Variants in HERC1 observed in about 807,000 individuals in gnomAD.
The protein encoded by HERC1 is probable E3 ubiquitin-protein ligase HERC1.
A neutral mutation model predicts 554.3 loss-of-function variants in HERC1; 160 were observed. The ratio of observed to expected loss-of-function variants is 0.29; its 90% CI spans 0.25 to 0.33. The LOEUF (loss-of-function observed/expected upper bound fraction) is 0.33. Among genes scored for constraint, HERC1 ranks in the 10% least tolerant of loss-of-function variants. HERC1 has a pLI of 1.00. For synonymous variants in HERC1, 2,175 were observed against 2,131.7 expected (o/e 1.02, Z -0.56); for missense variants, 4,919 against 5,918.5 (o/e 0.83, Z 5.54).
At position 63,625,878 on chromosome 15, in the gene HERC1, G is replaced by C. The variant is rs1296858165; in HGVS notation, c.13275+107C>G. 15 of 1,154,898 alleles carry C rather than the reference G, an allele frequency of 1.3e-5. No individual in the cohort carries two copies. The East Asian group carries it at 3.8e-4, about 30-fold the overall frequency. 71.5% of individuals were successfully genotyped at this position (1,154,898 alleles called of 1,614,324 possible). A position where few individuals can be genotyped will look rare whatever the true frequency, so the allele number is the denominator to read the frequency against. ...AAGTGTTATCTTATTAGCCATGAAA[G>C]AATTTTCCAAAGGCAGAGGGAAAGG... is the stretch of plus-strand genomic sequence containing the variant. On this transcript the variant is annotated intron_variant, in intron 71 of 77. Transcript: ENST00000443617.
chr15:63,718,530 C>T lies in HERC1; in HGVS notation c.3978+44G>A. 6.6e-7 allele frequency: 1 copy of T among 1,514,480 alleles called. No homozygotes were observed. The highest frequency in any genetic ancestry group is 8.9e-7 in the Non-Finnish European group (1 of 1,123,628). The allele number at this position is 1,514,480 out of a possible 1,614,324, so 93.8% of individuals were successfully genotyped here. ...TAAACCAATTTAGAGCTAGCTCTCA[C>T]AGCTTGCAGAAAAACATAGAAATTA... On this transcript the variant is annotated intron_variant, in intron 21 of 77. Coordinates refer to ENST00000443617, the MANE Select transcript of HERC1 (RefSeq NM_003922.4). This position sits in a 1 kb window ranked among gnomAD's most constrained non-coding sequence, Gnocchi z 4.2.
rs2072158825 is a variant in HERC1, at chr15:63,692,330, T to C, written c.5830+81A>G. The C allele has an allele frequency of 5.7e-6, 6 of 1,052,292 alleles. No individual in the cohort carries two copies. The highest frequency in any genetic ancestry group is 8.0e-6 in the Non-Finnish European group (6 of 748,564). 65.2% of individuals were successfully genotyped at this position (1,052,292 alleles called of 1,614,324 possible). On this transcript the variant is annotated intron_variant, in intron 31 of 77. Transcript: ENST00000443617. This position sits in a 1 kb window ranked among gnomAD's most constrained non-coding sequence, Gnocchi z 4.7. ...CTTCAAATCAAGGTTACACATGGAG[T>C]GTTGCTAAAGTCTGGCATTATCTTA...
intron 46 of HERC1, 51 bp downstream of exon 46, chr15:63,660,922 G>C: frequency 9.4e-7 from 1 of 1,067,006 alleles, no homozygotes; most frequent in Non-Finnish European, 1.5e-6. Flanking sequence ...GTTAAGCAGA[G>C]AGGATATATA....
intron 43 of HERC1, among the ~76,000 whole-genome samples, chr15:63,663,837 A>T (rs948234715): frequency 6.6e-6 from 1 of 152,250 alleles, no homozygotes; most frequent in Non-Finnish European, 1.5e-5. Flanking sequence ...AGTTACCTTA[A>T]TTATATGAGA....
chr15:63,729,980 C>G (rs1003873006), intron 14 of HERC1, among the ~76,000 whole-genome samples: 2 of 140,602 alleles, frequency 1.4e-5, no homozygotes, highest in African/African-American at 5.3e-5. Context: ...GAGCCAAGAT[C>G]ACGCCATTGC....
In HERC1 at chr15:63,674,991, G is replaced by A; in HGVS notation, c.7197C>T (p.Leu2399=). The A allele has an allele frequency of 6.2e-7, 1 of 1,614,040 alleles. No individual in the cohort carries two copies. The highest frequency in any genetic ancestry group is 8.5e-7 in the Non-Finnish European group (1 of 1,179,894). ...TGCCCATGTCTTCATGAACGCCAGT[G>A]AGATATGTTAGGTCCAGCAGCACAG... ...TASVLLDLTY[L]TGVHEDMGKQ... Residue 2399 remains leucine, a synonymous_variant, in exon 38 of 78, where the codon CTC becomes CTT. Coordinates refer to ENST00000443617, the MANE Select transcript of HERC1 (RefSeq NM_003922.4).
intron 1 of HERC1, among the ~76,000 whole-genome samples, chr15:63,787,771 C>T (rs1199516075): frequency 6.6e-6 from 1 of 151,744 alleles, no homozygotes; most frequent in African/African-American, 2.4e-5. Flanking sequence ...ACTTACTAAC[C>T]TGGACAATAT....
At chr15:63,636,251 G>A in intron 64 of HERC1, 109 bp from the exon 65 acceptor site, 1 of 817,638 alleles carries the variant, frequency 1.2e-6, no homozygotes, top group Non-Finnish European at 1.9e-6. Context: ...TTGGTACTAT[G>A]AAAATAAGAA....
chr15:63,637,482 CTTTTTA>C lies in HERC1; in HGVS notation c.12232+17_12232+22del. On this transcript the variant is annotated intron_variant, in intron 64 of 77. Transcript: ENST00000443617. ...ACATTAGGCCTTAGGTTCTAACCATCTTTTTATTAAGGACAATTTTACCTTGTAAGG... is the reference window on the plus strand; with the variant it reads ...ACATTAGGCCTTAGGTTCTAACCATCTTAAGGACAATTTTACCTTGTAAGG... The C allele has an allele frequency of 6.4e-7, 1 of 1,558,284 alleles. No homozygotes were observed. The highest frequency in any genetic ancestry group is 8.7e-7 in the Non-Finnish European group (1 of 1,149,128).
chr15:63,720,696 A>G (rs2140476627), intron 19 of HERC1, among the ~76,000 whole-genome samples: 1 of 152,352 alleles, frequency 6.6e-6, no homozygotes, highest in South Asian at 2.1e-4. Flanking sequence ...AATCCTCATC[A>G]GGCTCTTAGG....
At chr15:63,650,462 GGAGT>G (rs1287516080) in intron 53 of HERC1, among the ~76,000 whole-genome samples, 3 of 150,478 alleles carry the variant, frequency 2.0e-5, no homozygotes, top group African/African-American at 4.9e-5. Flanking sequence ...TGCCCAGGTT[GGAGT>G]GAGTACAATG....
In HERC1 at chr15:63,672,619, G is replaced by A. The variant is rs764538497; in HGVS notation, c.7922C>T (p.Ser2641Leu). 1.2e-6 allele frequency: 2 copies of A among 1,612,976 alleles called. No individual in the cohort carries two copies. The highest frequency in any genetic ancestry group is 1.7e-5 in the Admixed American group (1 of 59,902). The change falls in exon 39 of 78, where the codon TCA becomes TTA. Residue 2641 changes from serine to leucine, a missense_variant. This residue lies in a region of HERC1 where 1,963 missense variants were observed against 2,228.6 expected (regional missense o/e 0.88). Transcript: ENST00000443617. Reference sequence around the variant, plus strand: ...GCTGCTCATAAAGGAGGTCGTGCTTGAGGCTGATGGGCTAGTAGTAACTGG... The same window carrying A: ...GCTGCTCATAAAGGAGGTCGTGCTTAAGGCTGATGGGCTAGTAGTAACTGG... ...QTPVTTSPSA[S>L]STTSFMSSSL...
chr15:63,659,028 T>C (rs1479808773), intron 47 of HERC1, among the ~76,000 whole-genome samples: 1 of 152,242 alleles, frequency 6.6e-6, no homozygotes, highest in Non-Finnish European at 1.5e-5. Flanking sequence ...TTATAAGTGC[T>C]TTGAGAATTT....
chr15:63,656,483 G>C lies in HERC1; in HGVS notation c.9600-125C>G, dbSNP rs541421441. The C allele has an allele frequency of 1.3e-5, 11 of 835,392 alleles. No homozygotes were observed. In the East Asian group the frequency reaches 2.9e-4, roughly 22 times the overall value. The allele number at this position is 835,392 out of a possible 1,614,324, so 51.7% of individuals were successfully genotyped here. ...TAAAATGTAAGCTGCACTATCATTA[G>C]CCATACATGTCCTAAGAGTTGCCAA... On this transcript the variant is annotated intron_variant, in intron 48 of 77. Transcript: ENST00000443617.
chr15:63,695,807 T>C (rs2072377814), intron 27 of HERC1, among the ~76,000 whole-genome samples: 1 of 152,176 alleles, frequency 6.6e-6, no homozygotes, highest in African/African-American at 2.4e-5. Context: ...AACGATCAAA[T>C]CTAAAACGTA....
chr15:63,658,572 T>A lies in HERC1; in HGVS notation c.9571A>T (p.Met3191Leu). The A allele has an allele frequency of 6.2e-7, 1 of 1,613,306 alleles. No individual in the cohort carries two copies. The highest frequency in any genetic ancestry group is 8.5e-7 in the Non-Finnish European group (1 of 1,179,404). Residue 3191 changes from methionine to leucine, a missense_variant, in exon 48 of 78, where the codon ATG (methionine) becomes TTG (leucine). Met to Leu is a conservative substitution (Grantham distance 15). Transcript: ENST00000443617. The stretch of plus-strand genomic sequence containing the variant: ...ACTGAGAGAAGAGACAGCGCTCTCA[T>A]GACCATGGTTCTGGCCAGAAGAACC... The part of the protein sequence containing the change: ...AQVLLARTMV[M>L]RALSLLSVSG...
intron 1 of HERC1, among the ~76,000 whole-genome samples, chr15:63,810,926 C>T (rs961003303): frequency 6.6e-6 from 1 of 152,022 alleles, no homozygotes; most frequent in Non-Finnish European, 1.5e-5. Context: ...AAATGTTTAA[C>T]TTGAATATGT....
At chr15:63,822,031 C>A (rs2077718163) in intron 1 of HERC1, among the ~76,000 whole-genome samples, 1 of 152,158 alleles carries the variant, frequency 6.6e-6, no homozygotes, top group African/African-American at 2.4e-5. Flanking sequence ...CAGTGAAGAT[C>A]TCTCTACAGG....
chr15:63,639,039 C>G (rs1011090693), intron 61 of HERC1, among the ~76,000 whole-genome samples: 1 of 152,212 alleles, frequency 6.6e-6, no homozygotes, highest in South Asian at 2.1e-4. Context: ...TGAACACCCA[C>G]AGGTACAAGG....
Sources: allele counts gnomAD v4.1 joint callset (sites outside exome capture counted in the v4.1 genomes callset), GRCh38; gene constraint gnomAD v4.1.1; regional missense constraint gnomAD v4.1.1; non-coding constraint Gnocchi (gnomAD v3.1); transcripts MANE v1.5; gene names NCBI Gene and HGNC (gene_info 2026-07-23, HGNC 2026-07-21).